LARGE1: variants seen among roughly 807,000 people sequenced by gnomAD.
LARGE1 encodes xylosyl- and glucuronyltransferase LARGE1.
In LARGE1, 43 loss-of-function variants were observed where a neutral mutation model predicts 87.6. That is an observed-to-expected ratio of 0.49 (90% CI 0.38 to 0.63). LARGE1 has a LOEUF of 0.63. Among genes scored for constraint, LARGE1 ranks in the 30% least tolerant of loss-of-function variants. LARGE1 has a pLI of 0.00. For synonymous variants in LARGE1, 434 were observed against 394.6 expected, an observed-to-expected ratio of 1.10 and a Z score of -1.18; for missense variants, 802 against 1,000.2, an observed-to-expected ratio of 0.80 and a Z score of 2.67.
At chr22:33,230,489 CAG>C (rs962497945) in intron 11 of LARGE1, among the ~76,000 whole-genome samples, 3 of 152,126 alleles carry the variant, frequency 2.0e-5, no homozygotes, top group Admixed American at 6.5e-5. Flanking sequence ...GAGAAAAAAA[CAG>C]TATTTATAAA....
intron 1 of LARGE1, among the ~76,000 whole-genome samples, chr22:33,876,653 G>A (rs543027977): frequency 2.0e-5 from 3 of 151,740 alleles, no homozygotes; most frequent in South Asian, 2.1e-4. Context: ...GTCGGGGTGC[G>A]GGGGTGCGGG....
At chr22:33,093,821 T>C in the LARGE1 span, among the ~76,000 whole-genome samples, 1 of 122,924 alleles carries the variant, frequency 8.1e-6, no homozygotes, top group African/African-American at 3.1e-5. Flanking sequence ...TTTCTTTCTT[T>C]CTTTTTTTTT....
rs1454503750 is a variant in LARGE1 at position 33,786,610 on chromosome 22, C to T, written c.-82-25052G>A. On this transcript the variant is annotated intron_variant, in intron 1 of 14. Coordinates refer to ENST00000397394, the MANE Select transcript of LARGE1 (RefSeq NM_133642.5). ...AGAATTCTCCTCCCTTCAGAGCCTCCCCTCCTGAGGGGGTCCCCTGGCATT... is the reference window on the plus strand; with the variant it reads ...AGAATTCTCCTCCCTTCAGAGCCTCTCCTCCTGAGGGGGTCCCCTGGCATT... 2.0e-5 allele frequency among the ~76,000 whole-genome samples: 3 copies of T among 152,182 alleles called. No individual in the cohort carries two copies. In the East Asian group the frequency reaches 5.8e-4, roughly 29 times the overall value.
intron 4 of LARGE1, among the ~76,000 whole-genome samples, chr22:33,606,047 G>A (rs901220795): frequency 6.6e-6 from 1 of 152,168 alleles, no homozygotes; most frequent in African/African-American, 2.4e-5. Flanking sequence ...GCCGGGGGCG[G>A]AGGGGCTTAG....
chr22:33,330,389 C>T (rs1034479454), intron 10 of LARGE1, among the ~76,000 whole-genome samples: 1 of 152,096 alleles, frequency 6.6e-6, no homozygotes, highest in African/African-American at 2.4e-5. Context: ...GCGGATCGAT[C>T]ATAGCTCACT....
chr22:33,587,184 C>T lies in LARGE1; in HGVS notation c.615+17251G>A, dbSNP rs146591228. Among the ~76,000 whole-genome samples, 245 of 152,324 alleles carry T rather than the reference C, an allele frequency of 1.6e-3. 1 individual carries two copies. Among genetic ancestry groups the T allele is most frequent in the African/African-American group, 5.6e-3 (231 of 41,564 alleles). The stretch of plus-strand genomic sequence containing the variant: ...CAACGATGTACCATACTTTACCTAA[C>T]CTTTCATGAATGTTGGGATTTAGGT... On this transcript the variant is annotated intron_variant, in intron 5 of 14. Coordinates refer to ENST00000397394, the MANE Select transcript of LARGE1 (RefSeq NM_133642.5).
At chr22:33,749,009 T>G (rs62225408) in intron 2 of LARGE1, among the ~76,000 whole-genome samples, 7,254 of 152,314 alleles carry the variant, frequency 0.048, 263 homozygotes, top group East Asian at 0.2. Flanking sequence ...TCCAGGATTC[T>G]AGAAAAATAT....
intron 7 of LARGE1, among the ~76,000 whole-genome samples, chr22:33,409,722 G>A (rs1248364550): frequency 6.6e-6 from 1 of 152,060 alleles, no homozygotes; most frequent in Non-Finnish European, 1.5e-5. Flanking sequence ...TTAGCTAGGT[G>A]TGGTGGCACA....
At chr22:33,506,477 C>G (rs1380404108) in intron 6 of LARGE1, among the ~76,000 whole-genome samples, 1 of 152,148 alleles carries the variant, frequency 6.6e-6, no homozygotes, top group Non-Finnish European at 1.5e-5. Context: ...CGGGGAGGAG[C>G]TGAGAAAGGG....
At chr22:33,815,881 G>A (rs780054163) in intron 1 of LARGE1, among the ~76,000 whole-genome samples, 5 of 152,140 alleles carry the variant, frequency 3.3e-5, no homozygotes, top group Non-Finnish European at 5.9e-5. Flanking sequence ...GAGAGGTGCC[G>A]TGGAAGTAAG....
At chr22:33,879,986 A>G (rs906664543) in intron 1 of LARGE1, among the ~76,000 whole-genome samples, 1 of 152,114 alleles carries the variant, frequency 6.6e-6, no homozygotes. Flanking sequence ...CTGAATTCTG[A>G]TGTTCTTCCC....
chr22:33,156,654 G>A, the LARGE1 span, among the ~76,000 whole-genome samples: 1 of 152,114 alleles, frequency 6.6e-6, no homozygotes, highest in African/African-American at 2.4e-5. Context: ...ATGTGACTTT[G>A]GGCTGTGGAC....
chr22:33,237,383 C>T (rs374163042), intron 11 of LARGE1, among the ~76,000 whole-genome samples: 1 of 151,822 alleles, frequency 6.6e-6, no homozygotes, highest in African/African-American at 2.4e-5. Flanking sequence ...GTCCTCTTAA[C>T]CTAAAACCAA....
chr22:33,341,646 T>C (rs1283913617), intron 9 of LARGE1, among the ~76,000 whole-genome samples: 1 of 152,134 alleles, frequency 6.6e-6, no homozygotes, highest in African/African-American at 2.4e-5. Context: ...CGAACTCCCA[T>C]AACCAACAAC....
chr22:33,276,148 C>T (rs553443464), intron 14 of LARGE1, among the ~76,000 whole-genome samples: 20 of 150,186 alleles, frequency 1.3e-4, no homozygotes, highest in Admixed American at 8.0e-4. Context: ...TGGAGGTGCT[C>T]TTGTTGAAAA....
chr22:33,857,941 C>T (rs1399144674), intron 1 of LARGE1, among the ~76,000 whole-genome samples: 1 of 152,166 alleles, frequency 6.6e-6, no homozygotes, highest in East Asian at 1.9e-4. Context: ...CTCCCAAGAT[C>T]GTGGCGGGCC....
chr22:33,808,108 TGCATTCTGACA>T (rs1445045655), intron 1 of LARGE1, among the ~76,000 whole-genome samples: 2 of 152,266 alleles, frequency 1.3e-5, no homozygotes, highest in African/African-American at 2.4e-5. Context: ...TATACCATTT[TGCATTCTGACA>T]GCAACAAATG....
At chr22:33,598,490 A>C (rs562417596) in intron 5 of LARGE1, among the ~76,000 whole-genome samples, 2 of 152,284 alleles carry the variant, frequency 1.3e-5, no homozygotes, top group African/African-American at 4.8e-5. Flanking sequence ...CATCATCTAC[A>C]TTAGGTATTT....
At chr22:33,476,255 T>A (rs2069073692) in intron 6 of LARGE1, among the ~76,000 whole-genome samples, 1 of 152,216 alleles carries the variant, frequency 6.6e-6, no homozygotes, top group Admixed American at 6.5e-5. Context: ...CTGCCCTATT[T>A]ATGTAAAAAT....
Sources: allele counts gnomAD v4.1 joint callset (sites outside exome capture counted in the v4.1 genomes callset), GRCh38; gene constraint gnomAD v4.1.1; transcripts MANE v1.5; gene names NCBI Gene and HGNC (gene_info 2026-07-23, HGNC 2026-07-21).